Variants in RASGRF2 observed in about 807,000 individuals in gnomAD.
RASGRF2 encodes the protein ras-specific guanine nucleotide-releasing factor 2.
A neutral mutation model predicts 151.0 loss-of-function variants in RASGRF2; 76 were observed. The ratio of observed to expected loss-of-function variants is 0.50; its 90% CI spans 0.42 to 0.61. The LOEUF (loss-of-function observed/expected upper bound fraction) is 0.61, where lower values mean the gene tolerates loss of function less well. RASGRF2 is among the 20% of genes least tolerant of loss of function. The pLI is 0.00. For missense variants in RASGRF2, 1,148 were observed against 1,564.6 expected (o/e 0.73, Z 4.49); for synonymous variants, 504 against 566.5 (o/e 0.89, Z 1.57).
At chr5:81,098,127 TTTGA>T (rs1752598816) in intron 12 of RASGRF2, among the ~76,000 whole-genome samples, 1 of 151,698 alleles carries the variant, frequency 6.6e-6, no homozygotes, top group South Asian at 2.1e-4. Context: ...ACCAGCAGAG[TTTGA>T]TTGTGGATTA....
At position 81,070,620 on chromosome 5, in the gene RASGRF2, G is replaced by T; in HGVS notation, c.633+39G>T. On this transcript the variant is annotated intron_variant, in intron 4 of 26. Coordinates refer to ENST00000265080, the MANE Select transcript of RASGRF2 (RefSeq NM_006909.3). ...GTTTCCAGCTTTGTAGGAGCATGGT[G>T]ACCAGTCGTCTGTTCTATGGTGGTG... 4 of 1,520,876 alleles carry T rather than the reference G, an allele frequency of 2.6e-6. No homozygotes were observed. In the South Asian group the frequency reaches 4.5e-5, roughly 17 times the overall value. 94.2% of individuals were successfully genotyped at this position (1,520,876 alleles called of 1,614,324 possible).
chr5:80,971,016 T>C (rs935623356), intron 1 of RASGRF2, among the ~76,000 whole-genome samples: 2 of 152,244 alleles, frequency 1.3e-5, no homozygotes, highest in Non-Finnish European at 2.9e-5. Flanking sequence ...AATTTTTCTT[T>C]ACTTTTTTAT....
intron 17 of RASGRF2, among the ~76,000 whole-genome samples, chr5:81,156,091 AT>A (rs1310802500): frequency 6.6e-6 from 1 of 152,168 alleles, no homozygotes; most frequent in Non-Finnish European, 1.5e-5. Flanking sequence ...ATGAGATGAA[AT>A]AGATAAATTT....
intron 2 of RASGRF2, among the ~76,000 whole-genome samples, chr5:81,054,811 GT>G (rs1335498507): frequency 7.8e-4 from 115 of 146,750 alleles, no homozygotes; most frequent in African/African-American, 2.7e-3. Flanking sequence ...TTGAGCAGTG[GT>G]TTGTAGTTCT....
chr5:81,035,266 G>A (rs960173007), intron 1 of RASGRF2, among the ~76,000 whole-genome samples: 1 of 152,102 alleles, frequency 6.6e-6, no homozygotes, highest in Admixed American at 6.6e-5. Context: ...TATATACCAT[G>A]GAATACTATG....
At chr5:81,070,443 A>G (rs756757856) in intron 3 of RASGRF2, 49 bp from the exon 4 acceptor site, 16 of 1,471,052 alleles carry the variant, frequency 1.1e-5, no homozygotes, top group South Asian at 2.3e-5. Flanking sequence ...GTGTATGGCT[A>G]TAATCCAGCA....
intron 1 of RASGRF2, among the ~76,000 whole-genome samples, chr5:81,018,106 C>CA (rs70994413): frequency 0.027 from 3,678 of 136,550 alleles, 69 homozygotes; most frequent in Non-Finnish European, 0.036. Flanking sequence ...GAGACTGTCT[C>CA]AAAAAAAAAA....
At position 81,207,305 on chromosome 5, in the gene RASGRF2, G is replaced by A. The variant is rs774657479; in HGVS notation, c.3027G>A (p.Gln1009=). 6.2e-7 allele frequency: 1 copy of A among 1,614,010 alleles called. No homozygotes were observed. The highest frequency in any genetic ancestry group is 8.5e-7 in the Non-Finnish European group (1 of 1,180,036). The change falls in exon 21 of 27, where the codon CAG becomes CAA. Residue 1009 remains glutamine, a synonymous_variant. Transcript: ENST00000265080. ...TGTCGGCCATGGAGCTGGCAGAACA[G>A]ATCACCCTCCTGGACCATGTCATTT... The part of the protein sequence containing the change: ...ESLSAMELAE[Q]ITLLDHVIFR...
At position 81,080,102 on chromosome 5, in the gene RASGRF2, A is replaced by T. The variant is rs1024449132; in HGVS notation, c.888-19A>T. 6.3e-7 allele frequency: 1 copy of T among 1,593,198 alleles called. No individual in the cohort carries two copies. The highest frequency in any genetic ancestry group is 8.5e-7 in the Non-Finnish European group (1 of 1,175,450). The stretch of plus-strand genomic sequence containing the variant: ...CACATTATAGCAACTAAATTATATT[A>T]TTTTTCCTTTTTTTATAGTGAAACA... On this transcript the variant is annotated intron_variant, in intron 5 of 26. Transcript: ENST00000265080.
intron 4 of RASGRF2, among the ~76,000 whole-genome samples, chr5:81,070,865 CTTT>C (rs1751753334): frequency 1.3e-5 from 2 of 151,932 alleles, no homozygotes; most frequent in Admixed American, 1.3e-4. Context: ...TTTTGTGCGG[CTTT>C]CATATTTTGG....
At chr5:81,223,904 G>A (rs933715363) in intron 26 of RASGRF2, among the ~76,000 whole-genome samples, 2 of 152,080 alleles carry the variant, frequency 1.3e-5, no homozygotes, top group Admixed American at 1.3e-4. Context: ...ATAAAATAAA[G>A]GATAAAATAT....
Position 81,008,139 on chromosome 5 carries a change from C to CTTTTTTTTT in RASGRF2, c.289-34717_289-34709dup, listed in dbSNP as rs58105434. Among the ~76,000 whole-genome samples the CTTTTTTTTT allele has an allele frequency of 8.3e-4, 71 of 85,404 alleles. 10 individuals are homozygous for CTTTTTTTTT. Among genetic ancestry groups the CTTTTTTTTT allele is most frequent in the African/African-American group, 1.2e-3 (26 of 21,502 alleles). 56.0% of individuals were successfully genotyped at this position (85,404 alleles called of 152,430 possible). On this transcript the variant is annotated intron_variant, in intron 1 of 26. Coordinates refer to ENST00000265080, the MANE Select transcript of RASGRF2 (RefSeq NM_006909.3). Reference sequence around the variant, plus strand: ...AGTTTTCTTTTTCTTTCTTTCTTTCCTTTTTTTTTTTTTTTTTTTTTTTTT... The same window carrying CTTTTTTTTT: ...AGTTTTCTTTTTCTTTCTTTCTTTCCTTTTTTTTTTTTTTTTTTTTTTTTTTTTTTTTTT...
At chr5:81,105,340 C>A (rs767600247) in intron 12 of RASGRF2, among the ~76,000 whole-genome samples, 2 of 152,140 alleles carry the variant, frequency 1.3e-5, no homozygotes, top group Non-Finnish European at 2.9e-5. Context: ...TTCTGACCCC[C>A]TGTCCAGGAC....
At chr5:81,052,927 T>G (rs1751060312) in intron 2 of RASGRF2, among the ~76,000 whole-genome samples, 1 of 152,124 alleles carries the variant, frequency 6.6e-6, no homozygotes, top group South Asian at 2.1e-4. Flanking sequence ...TTTTCTTTCT[T>G]TCTTTTTTTT....
intron 1 of RASGRF2, among the ~76,000 whole-genome samples, chr5:81,009,265 G>A (rs1232776043): frequency 3.3e-5 from 5 of 152,216 alleles, no homozygotes; most frequent in African/African-American, 9.7e-5. Context: ...CCATTTTCAT[G>A]CCTAGATAGG....
At chr5:81,103,201 TAAA>T (rs1752748214) in intron 12 of RASGRF2, among the ~76,000 whole-genome samples, 1 of 152,028 alleles carries the variant, frequency 6.6e-6, no homozygotes, top group Non-Finnish European at 1.5e-5. Context: ...GAAAATTCAT[TAAA>T]GACAGTGAGT....
intron 17 of RASGRF2, among the ~76,000 whole-genome samples, chr5:81,162,401 G>A (rs975559487): frequency 8.5e-5 from 13 of 152,176 alleles, no homozygotes; most frequent in Non-Finnish European, 1.9e-4. Context: ...AGGCTAGAGT[G>A]CAATGGTACG....
intron 17 of RASGRF2, 24 bp downstream of exon 17, chr5:81,127,187 C>G (rs1753480037): frequency 2.5e-6 from 4 of 1,596,648 alleles, no homozygotes; most frequent in South Asian, 2.2e-5. Context: ...CAGCTATGTA[C>G]AGATATGTGA....
At chr5:81,075,883 C>G (rs1047388763) in intron 5 of RASGRF2, among the ~76,000 whole-genome samples, 2 of 152,148 alleles carry the variant, frequency 1.3e-5, no homozygotes, top group Non-Finnish European at 2.9e-5. Context: ...TATTACCAAG[C>G]AAGTGAGTAC....
Sources: gnomAD v4.1 joint callset for allele counts (sites outside exome capture counted in the v4.1 genomes callset) on GRCh38, gnomAD v4.1.1 for gene constraint, MANE v1.5 for transcripts, NCBI Gene and HGNC (gene_info 2026-07-23, HGNC 2026-07-21) for gene names.